The following TRIM9 variants were observed in gnomAD, a reference collection of about 807,000 sequenced individuals.
TRIM9 encodes the protein E3 ubiquitin-protein ligase TRIM9.
Under a neutral mutation model 78.3 loss-of-function variants are expected in TRIM9, and 26 were observed. That is an observed-to-expected ratio of 0.33 (90% CI 0.24 to 0.46). The LOEUF (loss-of-function observed/expected upper bound fraction) is 0.46, where lower values mean the gene tolerates loss of function less well. Ranked by LOEUF, TRIM9 falls within the 20% of genes least tolerant of loss-of-function variation. The probability of loss-of-function intolerance (pLI) is 1.00; values close to 1 mark genes in which losing one functional copy is unlikely to be tolerated. For synonymous variants in TRIM9, 398 were observed against 416.5 expected, an observed-to-expected ratio of 0.96 and a Z score of 0.54; for missense variants, 787 against 1,036.4, an observed-to-expected ratio of 0.76 and a Z score of 3.30.
intron 1 of TRIM9, among the ~76,000 whole-genome samples, chr14:51,093,179 G>A (rs1053746902): frequency 6.6e-6 from 1 of 152,218 alleles, no homozygotes; most frequent in African/African-American, 2.4e-5. Flanking sequence ...TTTGAGCAGA[G>A]GAGTGGCACG....
chr14:51,046,604 A>C (rs2059971418), intron 1 of TRIM9, among the ~76,000 whole-genome samples: 1 of 152,214 alleles, frequency 6.6e-6, no homozygotes, highest in Non-Finnish European at 1.5e-5. Context: ...ATAATGGAGA[A>C]TTTTAAAAAT....
At chr14:51,082,232 C>T (rs766835464) in intron 1 of TRIM9, among the ~76,000 whole-genome samples, 2 of 152,064 alleles carry the variant, frequency 1.3e-5, no homozygotes, top group Admixed American at 6.5e-5. Flanking sequence ...GGACAAAGAC[C>T]AAATATATTT....
intron 5 of TRIM9, among the ~76,000 whole-genome samples, chr14:51,004,859 A>C (rs1251024231): frequency 1.3e-5 from 2 of 152,192 alleles, no homozygotes; most frequent in African/African-American, 4.8e-5. Flanking sequence ...GAAAGTCTGC[A>C]CGTCTAATTC....
intron 1 of TRIM9, among the ~76,000 whole-genome samples, chr14:51,060,216 A>T (rs551278300): frequency 6.6e-6 from 1 of 152,328 alleles, no homozygotes; most frequent in East Asian, 1.9e-4. Context: ...GAATCTCAAC[A>T]TTCTTATTTT....
intron 7 of TRIM9, among the ~76,000 whole-genome samples, chr14:50,987,833 A>G (rs895733339): frequency 6.6e-6 from 1 of 152,062 alleles, no homozygotes; most frequent in Admixed American, 6.6e-5. Flanking sequence ...ACAGGGTCTC[A>G]CTCTGTTGCC....
intron 1 of TRIM9, among the ~76,000 whole-genome samples, chr14:51,066,285 A>G (rs894524817): frequency 6.6e-6 from 1 of 152,118 alleles, no homozygotes; most frequent in Non-Finnish European, 1.5e-5. Context: ...CAGACTTTTC[A>G]TCCCCGTTGC....
intron 1 of TRIM9, among the ~76,000 whole-genome samples, chr14:51,092,602 A>T (rs1268312127): frequency 3.3e-5 from 5 of 152,120 alleles, no homozygotes; most frequent in Admixed American, 3.3e-4. Flanking sequence ...GCTCCTTCCA[A>T]CCATCCTGAA....
At chr14:51,000,651 G>A in intron 6 of TRIM9, 32 bp downstream of exon 6, 1 of 1,612,438 alleles carries the variant, frequency 6.2e-7, no homozygotes, top group Non-Finnish European at 8.5e-7. Context: ...ACTGCTTTGG[G>A]TTAACAAGTA....
intron 11 of TRIM9, among the ~76,000 whole-genome samples, chr14:50,979,865 C>G (rs535870264): frequency 6.6e-4 from 101 of 152,150 alleles, no homozygotes; most frequent in Non-Finnish European, 1.2e-3. Flanking sequence ...AGAGTGAACT[C>G]ATTCATTAGG....
At position 51,094,310 on chromosome 14, in the gene TRIM9, C is replaced by A; in HGVS notation, c.630G>T (p.Val210=). The A allele has an allele frequency of 2.5e-6, 4 of 1,613,742 alleles. No homozygotes were observed. Among genetic ancestry groups the A allele is most frequent in the Non-Finnish European group, 3.4e-6 (4 of 1,179,854 alleles). The change falls in exon 1 of 13, where the codon GTG becomes GTT. Residue 210 remains valine, a synonymous_variant. Transcript: ENST00000684578. ...GGCTCACACGACCCTGGGCCGGGGG[C>A]ACCAGGCGGTGCTTGGCTAGGGGCC... ...PRGPLAKHRL[V]PPAQGRVSRR... is the part of the protein sequence containing the mutation.
chr14:51,071,035 G>A (rs1239374450), intron 1 of TRIM9, among the ~76,000 whole-genome samples: 1 of 151,946 alleles, frequency 6.6e-6, no homozygotes, highest in Admixed American at 6.6e-5. Flanking sequence ...TTTACATTTC[G>A]GGGTTTTGGT....
At chr14:51,015,659 A>T (rs1333730478) in intron 3 of TRIM9, among the ~76,000 whole-genome samples, 1 of 151,158 alleles carries the variant, frequency 6.6e-6, no homozygotes, top group Non-Finnish European at 1.5e-5. Flanking sequence ...GACTACAGGC[A>T]CATGCTACCC....
Position 51,094,441 on chromosome 14 carries a change from T to C in TRIM9, c.499A>G (p.Lys167Glu), listed in dbSNP as rs768843760. The C allele has an allele frequency of 1.9e-6, 3 of 1,613,918 alleles. No individual in the cohort carries two copies. The highest frequency in any genetic ancestry group is 1.7e-6 in the Non-Finnish European group (2 of 1,179,982). Residue 167 changes from lysine to glutamate, a missense_variant, in exon 1 of 13, where the codon AAG becomes GAG. Transcript: ENST00000684578. ...RYQQSKAAAL[K>E]CQLCEKAPKE... Reference sequence around the variant, plus strand: ...GGCGCCTTCTCGCAGAGCTGGCACTTGAGGGCCGCGGCTTTGCTCTGCTGG... The same window carrying C: ...GGCGCCTTCTCGCAGAGCTGGCACTCGAGGGCCGCGGCTTTGCTCTGCTGG...
At chr14:50,983,452 G>A (rs751265486) in intron 8 of TRIM9, 31 bp from the exon 9 acceptor site, 15 of 1,510,120 alleles carry the variant, frequency 9.9e-6, no homozygotes, top group Non-Finnish European at 1.3e-5. Context: ...TCAACGCTAT[G>A]AAACAACAAC....
At chr14:51,029,264 A>G (rs1298397808) in intron 1 of TRIM9, among the ~76,000 whole-genome samples, 1 of 152,150 alleles carries the variant, frequency 6.6e-6, no homozygotes, top group African/African-American at 2.4e-5. Flanking sequence ...GGGTCACTCG[A>G]AGAGTTGGTA....
intron 7 of TRIM9, chr14:50,996,477 A>C (rs1374773262): frequency 1.9e-5 from 19 of 985,486 alleles, no homozygotes; most frequent in Non-Finnish European, 2.3e-5. Context: ...TATGATTCCC[A>C]TGATGTATTA....
In TRIM9 at chr14:50,997,991, C is replaced by G. The variant is rs1332765542; in HGVS notation, c.1603+59G>C. On this transcript the variant is annotated intron_variant, in intron 7 of 12. Coordinates refer to ENST00000684578, the MANE Select transcript of TRIM9 (RefSeq NM_001387360.1). ...AGTGGTGGGGTTACCTCCGGGCTTG[C>G]CAGCCACTTTAGATGCCACGCAGTT... 8.1e-6 allele frequency: 13 copies of G among 1,607,588 alleles called. No individual in the cohort carries two copies. The African/African-American group carries it at 1.6e-4, about 20-fold the overall frequency.
chr14:50,988,189 T>C (rs1220483528), intron 7 of TRIM9, among the ~76,000 whole-genome samples: 4 of 152,230 alleles, frequency 2.6e-5, no homozygotes, highest in African/African-American at 9.6e-5. Context: ...AAAATATTTG[T>C]TGCTTTAAAA....
At chr14:50,997,673 G>A (rs1263891057) in intron 7 of TRIM9, 3 of 1,113,022 alleles carry the variant, frequency 2.7e-6, no homozygotes, top group Admixed American at 4.2e-5. Context: ...AATCATCTGG[G>A]CAAAACTGGC....
Sources: allele counts gnomAD v4.1 joint callset (sites outside exome capture counted in the v4.1 genomes callset), GRCh38; gene constraint gnomAD v4.1.1; transcripts MANE v1.5; gene names NCBI Gene and HGNC (gene_info 2026-07-23, HGNC 2026-07-21).